GAREM1: variants seen among roughly 807,000 people sequenced by gnomAD.
The protein encoded by GAREM1 is GRB2 associated regulator of MAPK1 subtype 1.
A neutral mutation model predicts 71.3 loss-of-function variants in GAREM1; 26 were observed. The ratio of observed to expected loss-of-function variants is 0.36; its 90% CI spans 0.27 to 0.51. GAREM1 has a LOEUF of 0.51. Among genes scored for constraint, GAREM1 ranks in the 20% least tolerant of loss-of-function variants. The pLI is 0.95. For missense variants in GAREM1, 1,026 were observed against 1,103.1 expected (o/e 0.93, Z 0.99); for synonymous variants, 440 against 433.2 (o/e 1.02, Z -0.20).
At chr18:32,423,494 C>G (rs2048541281) in intron 1 of GAREM1, among the ~76,000 whole-genome samples, 1 of 152,052 alleles carries the variant, frequency 6.6e-6, no homozygotes, top group African/African-American at 2.4e-5. Context: ...TATACCAGCT[C>G]CAAGGTAAGA....
intron 2 of GAREM1, among the ~76,000 whole-genome samples, chr18:32,325,141 T>C (rs972088128): frequency 6.6e-6 from 1 of 152,122 alleles, no homozygotes; most frequent in Non-Finnish European, 1.5e-5. Flanking sequence ...GTATTTTTAG[T>C]AGAGACAGGG....
At position 32,306,142 on chromosome 18, in the gene GAREM1, T is replaced by C. The variant is rs1386142666; in HGVS notation, c.393+4051A>G. On this transcript the variant is annotated intron_variant, in intron 3 of 5. Coordinates refer to ENST00000269209, the MANE Select transcript of GAREM1 (RefSeq NM_001242409.2). ...GCCACTCATGACCTTCACATTTTGC[T>C]AAATTTCATGGTTAGTTCTCAGTCC... is the stretch of plus-strand genomic sequence containing the variant. 2.0e-5 allele frequency among the ~76,000 whole-genome samples: 3 copies of C among 152,216 alleles called. No individual in the cohort carries two copies. In the East Asian group the frequency reaches 5.8e-4, roughly 29 times the overall value.
intron 2 of GAREM1, among the ~76,000 whole-genome samples, chr18:32,342,697 C>T (rs908636315): frequency 1.3e-5 from 2 of 152,196 alleles, no homozygotes; most frequent in Non-Finnish European, 1.5e-5. Flanking sequence ...TTGGAATCCC[C>T]AACCCCTTAT....
chr18:32,325,752 C>A (rs1032085058), intron 2 of GAREM1, among the ~76,000 whole-genome samples: 1 of 152,164 alleles, frequency 6.6e-6, no homozygotes, highest in African/African-American at 2.4e-5. Flanking sequence ...GAGTTTGAAT[C>A]CTGGCTTTCC....
chr18:32,288,934 G>T (rs2047053239), intron 3 of GAREM1, among the ~76,000 whole-genome samples: 1 of 152,058 alleles, frequency 6.6e-6, no homozygotes, highest in Non-Finnish European at 1.5e-5. Flanking sequence ...GTTCCTTACT[G>T]TAAAATAAAA....
chr18:32,430,570 G>A (rs11081764), intron 1 of GAREM1, among the ~76,000 whole-genome samples: 10 of 151,880 alleles, frequency 6.6e-5, no homozygotes, highest in Non-Finnish European at 1.0e-4. Context: ...GTTTCTCCAC[G>A]GAATGCAGTT....
chr18:32,417,929 T>C (rs925742493), intron 1 of GAREM1, among the ~76,000 whole-genome samples: 2 of 152,150 alleles, frequency 1.3e-5, no homozygotes, highest in African/African-American at 2.4e-5. Flanking sequence ...ATACCCAATT[T>C]TCCATGTGAT....
intron 1 of GAREM1, among the ~76,000 whole-genome samples, chr18:32,429,105 G>GT (rs1161547178): frequency 1.3e-5 from 2 of 152,208 alleles, no homozygotes; most frequent in East Asian, 3.9e-4. Flanking sequence ...AACGGGCAAG[G>GT]TAAGTTTCAG....
intron 2 of GAREM1, among the ~76,000 whole-genome samples, chr18:32,344,049 AT>A (rs1417998111): frequency 6.6e-6 from 1 of 152,078 alleles, no homozygotes; most frequent in Non-Finnish European, 1.5e-5. Context: ...TGTGTATCCT[AT>A]TCTGGTCTCC....
rs2048991338 is a variant in GAREM1, at chr18:32,465,559, GCA to G, written c.121+4747_121+4748del. The stretch of plus-strand genomic sequence containing the variant: ...TCACTGCTCCTGTTCTACCTACTTA[GCA>G]GTCTCCTACTCTTTTTCTTCCCTCT... On this transcript the variant is annotated intron_variant, in intron 1 of 5. Coordinates refer to ENST00000269209, the MANE Select transcript of GAREM1 (RefSeq NM_001242409.2). Among the ~76,000 whole-genome samples the G allele has an allele frequency of 2.0e-5, 3 of 152,278 alleles. No homozygotes were observed. The South Asian group carries it at 6.2e-4, about 32-fold the overall frequency.
chr18:32,283,832 G>T (rs144222742), intron 4 of GAREM1, among the ~76,000 whole-genome samples: 81 of 152,260 alleles, frequency 5.3e-4, no homozygotes, highest in African/African-American at 1.8e-3. Context: ...CAGAGCTGCA[G>T]CACAACTTGG....
At chr18:32,372,560 A>C (rs1256814775) in intron 2 of GAREM1, among the ~76,000 whole-genome samples, 1 of 152,204 alleles carries the variant, frequency 6.6e-6, no homozygotes, top group Non-Finnish European at 1.5e-5. Flanking sequence ...GGTACTGACA[A>C]TATACACCCA....
chr18:32,430,892 C>T (rs1378112397), intron 1 of GAREM1, among the ~76,000 whole-genome samples: 1 of 152,198 alleles, frequency 6.6e-6, no homozygotes, highest in Non-Finnish European at 1.5e-5. Flanking sequence ...AGAGGAAAAG[C>T]TAAAGCTTTG....
intron 1 of GAREM1, among the ~76,000 whole-genome samples, chr18:32,424,485 T>C (rs549188420): frequency 6.6e-6 from 1 of 152,306 alleles, no homozygotes; most frequent in African/African-American, 2.4e-5. Context: ...ATCATGACTA[T>C]ATTCCCGGTT....
At chr18:32,378,104 G>C (rs1348268999) in intron 2 of GAREM1, among the ~76,000 whole-genome samples, 13 of 151,278 alleles carry the variant, frequency 8.6e-5, no homozygotes. Context: ...GAAGTGAAGT[G>C]ATAAATGCCA....
At chr18:32,390,010 T>C (rs1220358794) in intron 2 of GAREM1, among the ~76,000 whole-genome samples, 2 of 151,922 alleles carry the variant, frequency 1.3e-5, no homozygotes, top group African/African-American at 2.4e-5. Context: ...CTACAAAAAA[T>C]TGACAAGTTG....
intron 2 of GAREM1, among the ~76,000 whole-genome samples, chr18:32,363,987 C>CATAAATACATATATATATATAT: frequency 3.7e-5 from 1 of 27,094 alleles, no homozygotes; most frequent in African/African-American, 1.2e-4. Context: ...TACATAAATA[C>CATAAATACATATATATATATAT]ATATATACAT....
At chr18:32,339,781 A>G (rs1349608714) in intron 2 of GAREM1, among the ~76,000 whole-genome samples, 1 of 152,222 alleles carries the variant, frequency 6.6e-6, no homozygotes, top group Non-Finnish European at 1.5e-5. Flanking sequence ...AGTAATATAA[A>G]CCGGGAACGC....
rs368693154 is a variant in GAREM1 at position 32,270,357 on chromosome 18, G to A, written c.1593C>T (p.Asn531=). ...EAVREECRLL[N]APPVPPRSAK... ...CGCTTCGGGGTGGAACAGGTGGGGC[G>A]TTCAGGAGCCGGCATTCTTCTCTGA... Residue 531 remains asparagine (N), a synonymous_variant, in exon 5 of 6, where the codon AAC becomes AAT. Transcript: ENST00000269209. 5.2e-5 allele frequency: 84 copies of A among 1,613,336 alleles called. No homozygotes were observed. The Middle Eastern group carries it at 1.0e-3, about 20-fold the overall frequency.
Sources: gnomAD v4.1 joint callset for allele counts (sites outside exome capture counted in the v4.1 genomes callset) on GRCh38, gnomAD v4.1.1 for gene constraint, MANE v1.5 for transcripts, NCBI Gene and HGNC (gene_info 2026-07-23, HGNC 2026-07-21) for gene names.